The following NOL11 variants were observed in gnomAD, a reference collection of about 807,000 sequenced individuals.
NOL11 encodes the protein nucleolar protein 11.
In NOL11, 42 loss-of-function variants were observed where a neutral mutation model predicts 93.0. The ratio of observed to expected loss-of-function variants is 0.45; its 90% CI spans 0.35 to 0.58. The LOEUF (loss-of-function observed/expected upper bound fraction) is 0.58. Ranked by LOEUF, NOL11 falls within the 20% of genes least tolerant of loss-of-function variation. NOL11 has a pLI of 0.00. For synonymous variants in NOL11, 296 were observed against 293.7 expected (o/e 1.01, Z -0.08); for missense variants, 775 against 841.8 (o/e 0.92, Z 0.98).
In NOL11 at chr17:67,743,964, G is replaced by T; in HGVS notation, c.*105G>T. Reference sequence around the variant, plus strand: ...TTGTTTGCGACCATCTCAGTGTCAAGAGAAACGTGTCAGTGAGTACCTGGA... The same window carrying T: ...TTGTTTGCGACCATCTCAGTGTCAATAGAAACGTGTCAGTGAGTACCTGGA... On this transcript the variant is annotated 3_prime_UTR_variant, in exon 18 of 18. Coordinates refer to ENST00000253247, the MANE Select transcript of NOL11 (RefSeq NM_015462.5). 1 of 622,734 alleles carries T rather than the reference G, an allele frequency of 1.6e-6. No individual in the cohort carries two copies. 38.6% of individuals were successfully genotyped at this position (622,734 alleles called of 1,614,324 possible).
At chr17:67,725,758 A>G (rs1259329570) in intron 6 of NOL11, among the ~76,000 whole-genome samples, 2 of 152,204 alleles carry the variant, frequency 1.3e-5, no homozygotes, top group Non-Finnish European at 2.9e-5. Flanking sequence ...GAGCAATTTC[A>G]TAAGGTTTTC....
At chr17:67,731,084 T>C (rs2055150254) in intron 7 of NOL11, among the ~76,000 whole-genome samples, 1 of 152,372 alleles carries the variant, frequency 6.6e-6, no homozygotes, top group East Asian at 1.9e-4. Flanking sequence ...GAGAATTGTC[T>C]ATGCAAGTCC....
chr17:67,735,663 G>T (rs761375488), intron 8 of NOL11, among the ~76,000 whole-genome samples: 1 of 152,070 alleles, frequency 6.6e-6, no homozygotes, highest in African/African-American at 2.4e-5. Flanking sequence ...TTTTTAAAAT[G>T]TATATGTTGA....
At position 67,741,269 on chromosome 17, in the gene NOL11, C is replaced by T. The variant is rs182423375; in HGVS notation, c.1935+1661C>T. The stretch of plus-strand genomic sequence containing the variant: ...GTTTTTAGTAGAGATGGGGTTTTAC[C>T]GTATTGACCAGGCTCATCTCAAACT... On this transcript the variant is annotated intron_variant, in intron 16 of 17. Coordinates refer to ENST00000253247, the MANE Select transcript of NOL11 (RefSeq NM_015462.5). Among the ~76,000 whole-genome samples, 296 of 152,196 alleles carry T rather than the reference C, an allele frequency of 1.9e-3. 1 individual carries two copies. Among genetic ancestry groups the T allele is most frequent in the Non-Finnish European group, 1.6e-3 (111 of 68,016 alleles).
intron 8 of NOL11, among the ~76,000 whole-genome samples, chr17:67,734,799 A>G (rs550425255): frequency 3.3e-5 from 5 of 152,334 alleles, no homozygotes; most frequent in South Asian, 4.1e-4. Context: ...CCTGGACAAC[A>G]TAGTGTGATC....
chr17:67,719,576 C>A, intron 1 of NOL11, 98 bp from the exon 2 acceptor site: 7 of 656,246 alleles, frequency 1.1e-5, no homozygotes, highest in Non-Finnish European at 1.8e-5. Context: ...TTTTTAAATG[C>A]TGTCATTTTA....
At chr17:67,720,948 T>A (rs1024487181) in intron 3 of NOL11, among the ~76,000 whole-genome samples, 1 of 152,182 alleles carries the variant, frequency 6.6e-6, no homozygotes, top group Non-Finnish European at 1.5e-5. Flanking sequence ...CAGTGGGGGT[T>A]TTTTTGTTGT....
intron 16 of NOL11, among the ~76,000 whole-genome samples, chr17:67,741,313 A>G (rs1309324086): frequency 6.6e-6 from 1 of 151,942 alleles, no homozygotes; most frequent in Non-Finnish European, 1.5e-5. Flanking sequence ...CAGGTGATCT[A>G]CCCATCTCAG....
Position 67,726,758 on chromosome 17 carries a change from C to T in NOL11, c.853+110C>T, listed in dbSNP as rs182416900. On this transcript the variant is annotated intron_variant, in intron 7 of 17. Transcript: ENST00000253247. ...GTTATTACCCAGACTAATTCATTCT[C>T]TTTATCAGCATACTCAATTTTTTTT... 2.6e-4 allele frequency: 204 copies of T among 795,090 alleles called. 1 individual carries two copies. In the African/African-American group the frequency reaches 3.4e-3, roughly 13 times the overall value. 49.3% of individuals were successfully genotyped at this position (795,090 alleles called of 1,614,324 possible).
chr17:67,718,991 C>T (rs1294325111), intron 1 of NOL11: 1 of 152,230 alleles, frequency 6.6e-6, no homozygotes, highest in Non-Finnish European at 1.5e-5. Flanking sequence ...AGAGGCATAA[C>T]TTCCCATGCA....
chr17:67,741,728 T>G (rs930665779), intron 16 of NOL11, among the ~76,000 whole-genome samples: 1 of 151,916 alleles, frequency 6.6e-6, no homozygotes. Context: ...CCCACCACCA[T>G]GCCCCTGTGC....
Position 67,735,923 on chromosome 17 carries a change from G to A in NOL11, c.954G>A (p.Leu318=), listed in dbSNP as rs778993892. 3.7e-6 allele frequency: 6 copies of A among 1,610,708 alleles called. No individual in the cohort carries two copies. Among genetic ancestry groups the A allele is most frequent in the Non-Finnish European group, 5.1e-6 (6 of 1,178,606 alleles). The change falls in exon 9 of 18, where the codon TTG becomes TTA. Residue 318 remains leucine (L), a synonymous_variant. Transcript: ENST00000253247. ...SGQLWYYGEH[L]FMLHGKSLTV... is the part of the protein sequence containing the mutation. The stretch of plus-strand genomic sequence containing the variant: ...AGCTCTGGTATTATGGAGAACATTT[G>A]TTTATGCTACATGGAAAATCTCTAA...
chr17:67,722,775 C>T, intron 5 of NOL11, 138 bp downstream of exon 5: 1 of 1,229,818 alleles, frequency 8.1e-7, no homozygotes, highest in African/African-American at 1.6e-5. Context: ...GCCTCAACCT[C>T]CTGGCTCAAG....
In NOL11 at chr17:67,722,558, TTTC is replaced by T; in HGVS notation, c.462-19_462-17del. The T allele has an allele frequency of 6.4e-7, 1 of 1,563,756 alleles. No individual in the cohort carries two copies. The highest frequency in any genetic ancestry group is 1.9e-4 in the Middle Eastern group (1 of 5,402). The stretch of plus-strand genomic sequence containing the variant: ...CTGGTGATTTTTGCATCCTATAATT[TTTC>T]TTTTTTCTTTTTTTGTAGATGGACA... On this transcript the variant is annotated intron_variant, in intron 4 of 17. Coordinates refer to ENST00000253247, the MANE Select transcript of NOL11 (RefSeq NM_015462.5).
chr17:67,736,562 C>T (rs560111606), intron 9 of NOL11, 104 bp from the exon 10 acceptor site: 1 of 701,552 alleles, frequency 1.4e-6, no homozygotes, highest in African/African-American at 1.8e-5. Context: ...CAAAGCCTCT[C>T]TTAAATTGTA....
In NOL11 at chr17:67,724,036, T is replaced by G. The variant is rs1320264029; in HGVS notation, c.520-13T>G. 2.8e-5 allele frequency: 42 copies of G among 1,483,592 alleles called. No homozygotes were observed. The highest frequency in any genetic ancestry group is 4.6e-5 in the Admixed American group (2 of 43,844). The allele number at this position is 1,483,592 out of a possible 1,614,324, so 91.9% of individuals were successfully genotyped here. On this transcript the variant is annotated splice_polypyrimidine_tract_variant and intron_variant, in intron 5 of 17. Transcript: ENST00000253247. The stretch of plus-strand genomic sequence containing the variant: ...AATGGGAATATTTATAAAATAACCT[T>G]TTTTTTTTGCAGCATGGAAATTACT...
intron 11 of NOL11, 81 bp from the exon 12 acceptor site, chr17:67,737,427 A>G: frequency 8.4e-7 from 1 of 1,183,978 alleles, no homozygotes; most frequent in Non-Finnish European, 1.2e-6. Context: ...TCATTTGAGA[A>G]AATGTTGTGC....
At chr17:67,739,468 A>T (rs774022995) in intron 15 of NOL11, 48 bp from the exon 16 acceptor site, 9 of 1,198,002 alleles carry the variant, frequency 7.5e-6, no homozygotes, top group Non-Finnish European at 1.1e-5. Context: ...ATATAATAGA[A>T]ATTTTTTCTA....
rs751950512 is a variant in NOL11, at chr17:67,717,966, G to T, written c.19G>T (p.Glu7Ter). 3.1e-6 allele frequency: 5 copies of T among 1,614,118 alleles called. No homozygotes were observed. The highest frequency in any genetic ancestry group is 4.2e-6 in the Non-Finnish European group (5 of 1,180,032). MAALEEEFTLSSVVLSA... is the reference protein window; with the variant it reads MAALEE Reference sequence around the variant, plus strand: ...GCTCAAAATGGCAGCGCTGGAGGAAGAATTCACGTTGTCTTCGGTAGTCCT... The same window carrying T: ...GCTCAAAATGGCAGCGCTGGAGGAATAATTCACGTTGTCTTCGGTAGTCCT... Residue 7 changes from glutamate (E) to a stop codon, truncating the protein, a stop_gained, in exon 1 of 18, where the codon GAA becomes TAA. Coordinates refer to ENST00000253247, the MANE Select transcript of NOL11 (RefSeq NM_015462.5). LOFTEE classifies it high-confidence loss of function.
Sources: gnomAD v4.1 joint callset for allele counts (sites outside exome capture counted in the v4.1 genomes callset) on GRCh38, gnomAD v4.1.1 for gene constraint, MANE v1.5 for transcripts, NCBI Gene and HGNC (gene_info 2026-07-23, HGNC 2026-07-21) for gene names.